Variants in ENO1 observed in about 807,000 individuals in gnomAD.
ENO1 encodes the protein alpha-enolase.
A neutral mutation model predicts 46.3 loss-of-function variants in ENO1; 33 were observed. The ratio of observed to expected loss-of-function variants is 0.71; its 90% CI spans 0.54 to 0.95. ENO1 has a LOEUF of 0.95. Among genes scored for constraint, ENO1 ranks in the 40% least tolerant of loss-of-function variants. The pLI is 0.00. For synonymous variants in ENO1, 220 were observed against 216.0 expected (o/e 1.02, Z -0.16); for missense variants, 488 against 553.3 (o/e 0.88, Z 1.18).
In ENO1 at chr1:8,875,328, A is replaced by AGG. The variant is rs954301416; in HGVS notation, c.-9-412_-9-411insCC. Among the ~76,000 whole-genome samples, 4 of 151,820 alleles carry AGG rather than the reference A, an allele frequency of 2.6e-5. 1 individual carries two copies. The highest frequency in any genetic ancestry group is 5.9e-5 in the Non-Finnish European group (4 of 67,942). On this transcript the variant is annotated intron_variant, in intron 1 of 11. Transcript: ENST00000234590. ...AAAAGAAAAAAAAAAAAAGAGAGAG[A>AGG]AAAAGCCCACAAACGTGTGTGCCCA...
chr1:8,865,376 G>C lies in ENO1; in HGVS notation c.774C>G (p.Asp258Glu). The C allele has an allele frequency of 1.2e-6, 2 of 1,614,168 alleles. No individual in the cohort carries two copies. Among genetic ancestry groups the C allele is most frequent in the Non-Finnish European group, 1.7e-6 (2 of 1,180,034 alleles). ...ASEFFRSGKY[D>E]LDFKSPDDPS... The stretch of plus-strand genomic sequence containing the variant: ...GGTCATCGGGAGACTTGAAGTCCAG[G>C]TCATACTTCCCAGACCTGAAGAACT... Residue 258 changes from aspartate to glutamate, a missense_variant, in exon 8 of 12, where the codon GAC (aspartate) becomes GAG (glutamate). Coordinates refer to ENST00000234590, the MANE Select transcript of ENO1 (RefSeq NM_001428.5).
At chr1:8,874,491 T>C (rs1291182204) in intron 2 of ENO1, among the ~76,000 whole-genome samples, 1 of 143,880 alleles carries the variant, frequency 7.0e-6, no homozygotes, top group Non-Finnish European at 1.5e-5. Context: ...GACAGAAGAA[T>C]TGCTTGAACC....
At chr1:8,871,322 C>G in intron 3 of ENO1, 1 of 992,534 alleles carries the variant, frequency 1.0e-6, no homozygotes, top group Non-Finnish European at 1.2e-6. Flanking sequence ...GCCACATGTT[C>G]TATCTCTAGA....
At chr1:8,871,794 T>C (rs1157490904) in intron 3 of ENO1, 97 bp downstream of exon 3, 4 of 1,384,236 alleles carry the variant, frequency 2.9e-6, no homozygotes, top group Non-Finnish European at 4.0e-6. Flanking sequence ...GCCATAAACC[T>C]GCAAGTGCAA....
At chr1:8,869,904 G>A (rs918183595) in intron 4 of ENO1, among the ~76,000 whole-genome samples, 22 of 152,138 alleles carry the variant, frequency 1.4e-4, no homozygotes, top group African/African-American at 4.8e-4. Context: ...CCCATCTGAT[G>A]AGCGCCACAG....
chr1:8,866,701 A>G (rs1569903480), intron 6 of ENO1, 200 bp from the exon 7 acceptor site: 10 of 616,066 alleles, frequency 1.6e-5, no homozygotes, highest in South Asian at 8.0e-5. Context: ...GTTTCACTAT[A>G]CTGGTCTTGC....
Position 8,868,160 on chromosome 1 carries a change from T to C in ENO1, c.241-103A>G, listed in dbSNP as rs1053077842. ...ACTTTGGAACTGTGTAATATCAAAA[T>C]CAATTCTGTGATGTTTGTTTTATAA... On this transcript the variant is annotated intron_variant, in intron 4 of 11. Coordinates refer to ENST00000234590, the MANE Select transcript of ENO1 (RefSeq NM_001428.5). 5 of 858,388 alleles carry C rather than the reference T, an allele frequency of 5.8e-6. No homozygotes were observed. In the African/African-American group the frequency reaches 8.6e-5, roughly 15 times the overall value. The allele number at this position is 858,388 out of a possible 1,614,324, so 53.2% of individuals were successfully genotyped here.
chr1:8,875,060 G>GA (rs1642707991), intron 1 of ENO1, 143 bp from the exon 2 acceptor site: 1 of 638,034 alleles, frequency 1.6e-6, no homozygotes, highest in Non-Finnish European at 2.6e-6. Flanking sequence ...GCTGGCTAGG[G>GA]TGGGGGGAAA....
At chr1:8,862,820 GC>G in intron 11 of ENO1, 66 bp downstream of exon 11, 6 of 1,566,682 alleles carry the variant, frequency 3.8e-6, no homozygotes, top group Non-Finnish European at 5.2e-6. Flanking sequence ...GGAGGGCAGT[GC>G]CTACACTGAG....
chr1:8,866,970 C>A, intron 6 of ENO1, 147 bp downstream of exon 6: 1 of 1,258,752 alleles, frequency 7.9e-7, no homozygotes. Context: ...AGTTGAGTTA[C>A]CTGCTCAAGG....
intron 1 of ENO1, chr1:8,877,824 G>A (rs1322792550): frequency 6.6e-6 from 1 of 151,840 alleles, no homozygotes; most frequent in Admixed American, 6.6e-5. Flanking sequence ...GCGGTGAACC[G>A]AGATCCGAGA....
Position 8,865,392 on chromosome 1 carries a change from C to G in ENO1, c.758G>C (p.Arg253Thr). Residue 253 changes from arginine (R) to threonine (T), a missense_variant, in exon 8 of 12, where the codon AGG becomes ACG. Physicochemically the swap from Arg to Thr is moderately conservative, Grantham distance 71. Transcript: ENST00000234590. ...GAAGTCCAGGTCATACTTCCCAGAC[C>G]TGAAGAACTCGGAGGCCGCTACGTC... ...GMDVAASEFF[R>T]SGKYDLDFKS... is the part of the protein sequence containing the mutation. 1.2e-6 allele frequency: 2 copies of G among 1,614,158 alleles called. No homozygotes were observed. Among genetic ancestry groups the G allele is most frequent in the African/African-American group, 1.3e-5 (1 of 75,038 alleles).
In ENO1 at chr1:8,861,294, T is replaced by G; in HGVS notation, c.*66A>C. The stretch of plus-strand genomic sequence containing the variant: ...TGTTGGTCGGGGGCCTCGAGCTGCC[T>G]GAGCTGACACGAGGGGAGGGGTCTG... On this transcript the variant is annotated 3_prime_UTR_variant, in exon 12 of 12. Coordinates refer to ENST00000234590, the MANE Select transcript of ENO1 (RefSeq NM_001428.5). 2 of 1,568,824 alleles carry G rather than the reference T, an allele frequency of 1.3e-6. No homozygotes were observed. Among genetic ancestry groups the G allele is most frequent in the Non-Finnish European group, 1.8e-6 (2 of 1,141,478 alleles).
intron 6 of ENO1, 89 bp from the exon 7 acceptor site, chr1:8,866,590 G>T (rs945473817): frequency 7.2e-7 from 1 of 1,381,808 alleles, no homozygotes; most frequent in Non-Finnish European, 1.0e-6. Flanking sequence ...TCCCAATCTA[G>T]CTCACAGATG....
chr1:8,864,047 C>T lies in ENO1; in HGVS notation c.911G>A (p.Trp304Ter). The change falls in exon 9 of 12, where the codon TGG becomes TAG. Residue 304 changes from tryptophan (W) to a stop codon, truncating the protein, a stop_gained. Transcript: ENST00000234590. LOFTEE classifies it high-confidence loss of function. ...TCCTGCACTGGCTGTGAACTTCTGCCAAGCTCCCCAGTCATCCTGGTCAAA... is the reference window on the plus strand; with the variant it reads ...TCCTGCACTGGCTGTGAACTTCTGCTAAGCTCCCCAGTCATCCTGGTCAAA... ...DPFDQDDWGAWQKFTASAGIQ... is the reference protein window; with the variant it reads ...DPFDQDDWGA 1.2e-6 allele frequency: 2 copies of T among 1,614,166 alleles called. No individual in the cohort carries two copies. Among genetic ancestry groups the T allele is most frequent in the Non-Finnish European group, 1.7e-6 (2 of 1,180,044 alleles).
At chr1:8,863,137 G>C in intron 10 of ENO1, 98 bp downstream of exon 10, 1 of 1,443,618 alleles carries the variant, frequency 6.9e-7, no homozygotes, top group South Asian at 1.2e-5. Flanking sequence ...TGACTCAGGG[G>C]ACATGAGCAA....
Position 8,868,139 on chromosome 1 carries a change from T to C in ENO1, c.241-82A>G. On this transcript the variant is annotated intron_variant, in intron 4 of 11. Transcript: ENST00000234590. ...GCTCCCCTACCATGGAATCTGACTTTGGAACTGTGTAATATCAAAATCAAT... is the reference window on the plus strand; with the variant it reads ...GCTCCCCTACCATGGAATCTGACTTCGGAACTGTGTAATATCAAAATCAAT... 5 of 1,022,906 alleles carry C rather than the reference T, an allele frequency of 4.9e-6. No individual in the cohort carries two copies. In the South Asian group the frequency reaches 6.9e-5, roughly 14 times the overall value. 63.4% of individuals were successfully genotyped at this position (1,022,906 alleles called of 1,614,324 possible).
At chr1:8,869,337 G>C (rs1372485143) in intron 4 of ENO1, among the ~76,000 whole-genome samples, 3 of 152,104 alleles carry the variant, frequency 2.0e-5, no homozygotes, top group African/African-American at 4.8e-5. Context: ...GGCAGGGGGT[G>C]GTGCAGACAG....
At chr1:8,868,683 A>G (rs1157985441) in intron 4 of ENO1, among the ~76,000 whole-genome samples, 1 of 151,944 alleles carries the variant, frequency 6.6e-6, no homozygotes, top group Non-Finnish European at 1.5e-5. Context: ...TTACTTTTTA[A>G]TTTTTTAATT....
Sources: allele counts gnomAD v4.1 joint callset (sites outside exome capture counted in the v4.1 genomes callset), GRCh38; gene constraint gnomAD v4.1.1; transcripts MANE v1.5; gene names NCBI Gene and HGNC (gene_info 2026-07-23, HGNC 2026-07-21).